The following BRD7 variants were observed in gnomAD, a reference collection of about 807,000 sequenced individuals.
BRD7 encodes the protein bromodomain containing 7, also known as bromodomain-containing protein 7.
A neutral mutation model predicts 82.1 loss-of-function variants in BRD7; 15 were observed. That is an observed-to-expected ratio of 0.18 (90% confidence interval 0.12 to 0.28). The LOEUF is 0.28. Among genes scored for constraint, BRD7 ranks in the 10% least tolerant of loss-of-function variants. The pLI is 1.00. For synonymous variants in BRD7, 232 were observed against 266.9 expected, an observed-to-expected ratio of 0.87 and a Z score of 1.27; for missense variants, 638 against 779.9, an observed-to-expected ratio of 0.82 and a Z score of 2.17.
chr16:50,324,284 A>C (rs1342523869), intron 11 of BRD7, among the ~76,000 whole-genome samples: 1 of 152,136 alleles, frequency 6.6e-6, no homozygotes, highest in East Asian at 1.9e-4. Flanking sequence ...CTGATGACTG[A>C]GCCCTTCCCA....
rs76699351 is a variant in BRD7, at chr16:50,351,436, G to C, written c.447-1269C>G. 4.3e-3 allele frequency among the ~76,000 whole-genome samples: 648 copies of C among 152,274 alleles called. 5 individuals carry two copies. Among genetic ancestry groups the C allele is most frequent in the African/African-American group, 0.015 (623 of 41,542 alleles). ...ATGTGCGCTGTCCACAGGAGTTACC[G>C]TAACGGCAGCATTCACCCCTGGGTG... On this transcript the variant is annotated intron_variant, in intron 4 of 16. Coordinates refer to ENST00000394688, the MANE Select transcript of BRD7 (RefSeq NM_013263.5).
chr16:50,364,719 ATG>A (rs747713121), intron 2 of BRD7, among the ~76,000 whole-genome samples: 1 of 152,254 alleles, frequency 6.6e-6, no homozygotes, highest in Non-Finnish European at 1.5e-5. Flanking sequence ...GTGTACAAAG[ATG>A]TGTGTACAAT....
At chr16:50,330,740 CAG>C (rs1231582097) in intron 8 of BRD7, among the ~76,000 whole-genome samples, 1 of 151,256 alleles carries the variant, frequency 6.6e-6, no homozygotes, top group African/African-American at 2.5e-5. Flanking sequence ...TTAAAAAAAA[CAG>C]AATTTCGCTC....
Position 50,354,852 on chromosome 16 carries a change from G to A in BRD7, c.329C>T (p.Pro110Leu). The A allele has an allele frequency of 1.9e-6, 3 of 1,613,150 alleles. No homozygotes were observed. The highest frequency in any genetic ancestry group is 1.1e-5 in the South Asian group (1 of 91,032). ...EAEKDLQCHAPVRLDLPPEKP... is the reference protein window; with the variant it reads ...EAEKDLQCHALVRLDLPPEKP... The stretch of plus-strand genomic sequence containing the variant: ...CTCAGGAGGCAAGTCTAATCTCACA[G>A]GGGCGTGACACTGGAGATCTTTTTC... The change falls in exon 3 of 17, where the codon CCT becomes CTT. Residue 110 changes from proline to leucine, a missense_variant. By Grantham distance (98) the Pro-to-Leu change is moderately conservative. Coordinates refer to ENST00000394688, the MANE Select transcript of BRD7 (RefSeq NM_013263.5).
intron 6 of BRD7, among the ~76,000 whole-genome samples, chr16:50,337,383 C>A (rs2037851598): frequency 6.6e-6 from 1 of 151,506 alleles, no homozygotes; most frequent in Non-Finnish European, 1.5e-5. Flanking sequence ...GCCTCAGCCT[C>A]CTGAGTAGCT....
At chr16:50,320,513 A>T in intron 14 of BRD7, 122 bp from the exon 15 acceptor site, 1 of 1,467,208 alleles carries the variant, frequency 6.8e-7, no homozygotes, top group Non-Finnish European at 9.4e-7. Flanking sequence ...TCCGCTTGAA[A>T]TGACATCAAC....
chr16:50,320,305 T>C lies in BRD7; in HGVS notation c.1699A>G (p.Arg567Gly). 1 of 1,614,196 alleles carries C rather than the reference T, an allele frequency of 6.2e-7. No individual in the cohort carries two copies. Among genetic ancestry groups the C allele is most frequent in the African/African-American group, 1.3e-5 (1 of 75,046 alleles). Residue 567 changes from arginine (R) to glycine (G), a missense_variant, in exon 15 of 17, where the codon AGA becomes GGA. By Grantham distance (125) the Arg-to-Gly change is moderately radical. Transcript: ENST00000394688. ...QEAQNERLST[R>G]PPPNMICLLG... ...AGACAGATCATGTTCGGAGGGGGTC[T>C]GGTGCTCAAACGTTCATTCTGGGCT...
intron 2 of BRD7, among the ~76,000 whole-genome samples, chr16:50,365,252 A>G (rs1021009034): frequency 3.9e-5 from 6 of 152,208 alleles, no homozygotes; most frequent in Non-Finnish European, 8.8e-5. Context: ...AAACACGGAT[A>G]AAACTGGCAA....
chr16:50,327,796 C>T (rs1043507497), intron 9 of BRD7, among the ~76,000 whole-genome samples: 5 of 152,288 alleles, frequency 3.3e-5, no homozygotes, highest in Middle Eastern at 3.4e-3. Flanking sequence ...GGACAGACTT[C>T]TCTTTATGTG....
At chr16:50,366,818 A>T (rs2039165873) in intron 2 of BRD7, among the ~76,000 whole-genome samples, 1 of 152,368 alleles carries the variant, frequency 6.6e-6, no homozygotes, top group East Asian at 1.9e-4. Context: ...TTAATTAAAA[A>T]AAACAACTGG....
chr16:50,356,728 A>ATG (rs1416208885), intron 2 of BRD7, among the ~76,000 whole-genome samples: 6 of 150,928 alleles, frequency 4.0e-5, no homozygotes, highest in Non-Finnish European at 7.4e-5. Flanking sequence ...AAAAAAATAT[A>ATG]TATATATATA....
chr16:50,363,374 A>AT (rs1250268519), intron 2 of BRD7, among the ~76,000 whole-genome samples: 1 of 152,234 alleles, frequency 6.6e-6, no homozygotes, highest in Non-Finnish European at 1.5e-5. Context: ...CAGCAGGCAA[A>AT]TTCTTTATCA....
At chr16:50,329,283 T>A (rs1344240526) in intron 8 of BRD7, among the ~76,000 whole-genome samples, 1 of 152,034 alleles carries the variant, frequency 6.6e-6, no homozygotes, top group Non-Finnish European at 1.5e-5. Flanking sequence ...CACCTAGTCC[T>A]CCCCAGTCTA....
rs771534821 is a variant in BRD7 at position 50,323,598 on chromosome 16, C to T, written c.1432G>A (p.Glu478Lys). The T allele has an allele frequency of 2.3e-5, 37 of 1,609,234 alleles. No homozygotes were observed. Among genetic ancestry groups the T allele is most frequent in the Non-Finnish European group, 3.1e-5 (37 of 1,175,640 alleles). The stretch of plus-strand genomic sequence containing the variant: ...AGCAGTGTTCTTACCATCTCCATCT[C>T]TTGTAGGGTCCTGGAATGCCCTCCT... ...TKGGHSRTLQ[E>K]MEMSLPEDEG... The change falls in exon 12 of 17, where the codon GAG (glutamate) becomes AAG (lysine). Residue 478 changes from glutamate (E) to lysine (K), a missense_variant. Physicochemically the swap from Glu to Lys is moderately conservative, Grantham distance 56 (BLOSUM62 1). Transcript: ENST00000394688.
intron 2 of BRD7, among the ~76,000 whole-genome samples, chr16:50,356,884 C>A (rs993782753): frequency 5.9e-5 from 9 of 152,092 alleles, no homozygotes; most frequent in African/African-American, 2.2e-4. Flanking sequence ...CAACAATGCC[C>A]ATTTTATGCT....
intron 9 of BRD7, among the ~76,000 whole-genome samples, chr16:50,327,097 T>A (rs767327281): frequency 5.9e-5 from 9 of 152,224 alleles, no homozygotes; most frequent in Non-Finnish European, 1.0e-4. Flanking sequence ...ACTGAACATC[T>A]AAATCAGATC....
intron 5 of BRD7, among the ~76,000 whole-genome samples, chr16:50,345,512 T>G (rs2038244743): frequency 6.6e-6 from 1 of 152,050 alleles, no homozygotes; most frequent in Non-Finnish European, 1.5e-5. Flanking sequence ...GTGTGCTGTA[T>G]TCAGGAAACC....
At chr16:50,353,991 T>C (rs1396521995) in intron 4 of BRD7, among the ~76,000 whole-genome samples, 1 of 152,198 alleles carries the variant, frequency 6.6e-6, no homozygotes, top group Non-Finnish European at 1.5e-5. Context: ...TTAGAACCAA[T>C]TTCTGCATTT....
intron 4 of BRD7, among the ~76,000 whole-genome samples, chr16:50,351,806 A>G (rs944085102): frequency 6.6e-6 from 1 of 152,046 alleles, no homozygotes; most frequent in African/African-American, 2.4e-5. Context: ...TAACATACAT[A>G]TATACAAGGA....
Sources: gnomAD v4.1 joint callset for allele counts (sites outside exome capture counted in the v4.1 genomes callset) on GRCh38, gnomAD v4.1.1 for gene constraint, MANE v1.5 for transcripts, NCBI Gene and HGNC (gene_info 2026-07-23, HGNC 2026-07-21) for gene names.